SOX5: variants seen among roughly 807,000 people sequenced by gnomAD.
SOX5 encodes transcription factor SOX-5.
In SOX5, 9 loss-of-function variants were observed where a neutral mutation model predicts 92.0. The ratio of observed to expected loss-of-function variants is 0.10; its 90% CI spans 0.06 to 0.17. The LOEUF is 0.17. Ranked by LOEUF, SOX5 falls within the 10% of genes least tolerant of loss-of-function variation. The pLI is 1.00. For missense variants in SOX5, 642 were observed against 944.5 expected, an observed-to-expected ratio of 0.68 and a Z score of 4.20; for synonymous variants, 344 against 336.3, an observed-to-expected ratio of 1.02 and a Z score of -0.25.
At chr12:24,251,951 A>AC (rs1940159503) in intron 3 of SOX5, among the ~76,000 whole-genome samples, 1 of 12,610 alleles carries the variant, frequency 7.9e-5, no homozygotes, top group Non-Finnish European at 3.8e-4. Flanking sequence ...CCCAGTTATT[A>AC]AAAAAAAAAA....
At chr12:23,863,509 T>C (rs1211198115) in intron 2 of SOX5, among the ~76,000 whole-genome samples, 1 of 152,152 alleles carries the variant, frequency 6.6e-6, no homozygotes. Flanking sequence ...TGCTTTTAAC[T>C]ATTGTGTCAT....
Position 23,689,103 on chromosome 12 carries a change from T to C in SOX5, c.811-23539A>G, listed in dbSNP as rs574727023. On this transcript the variant is annotated intron_variant, in intron 6 of 14. Coordinates refer to ENST00000451604, the MANE Select transcript of SOX5 (RefSeq NM_006940.6). ...CTTTCACATATCTAACGGTCACTACTAAGTCAATATCAATTTTTTTAGGCC... is the reference window on the plus strand; with the variant it reads ...CTTTCACATATCTAACGGTCACTACCAAGTCAATATCAATTTTTTTAGGCC... Among the ~76,000 whole-genome samples the C allele has an allele frequency of 2.6e-5, 4 of 152,274 alleles. No homozygotes were observed. In the East Asian group the frequency reaches 5.8e-4, roughly 22 times the overall value.
chr12:23,934,815 T>A (rs990608170), intron 1 of SOX5, among the ~76,000 whole-genome samples: 1 of 151,254 alleles, frequency 6.6e-6, no homozygotes, highest in Admixed American at 6.6e-5. Context: ...ATAATTATAA[T>A]CTCCAATTCA....
chr12:24,088,025 G>A (rs1015437789), intron 4 of SOX5, among the ~76,000 whole-genome samples: 7 of 151,938 alleles, frequency 4.6e-5, no homozygotes, highest in Non-Finnish European at 8.8e-5. Context: ...CAAAAAGCAG[G>A]AGGAAGCACT....
At chr12:23,714,784 C>T (rs1400768892) in intron 6 of SOX5, among the ~76,000 whole-genome samples, 1 of 152,126 alleles carries the variant, frequency 6.6e-6, no homozygotes, top group East Asian at 1.9e-4. Flanking sequence ...CAAATACTTG[C>T]TTTTCAAATG....
intron 3 of SOX5, among the ~76,000 whole-genome samples, chr12:23,777,521 C>A (rs2095142110): frequency 6.6e-6 from 1 of 152,136 alleles, no homozygotes; most frequent in East Asian, 1.9e-4. Context: ...TGTCAGAGAG[C>A]AATGACCATA....
chr12:23,552,489 A>G (rs958918848), intron 11 of SOX5, among the ~76,000 whole-genome samples: 1 of 151,966 alleles, frequency 6.6e-6, no homozygotes, highest in Admixed American at 6.6e-5. Flanking sequence ...ATCCTGAAAA[A>G]AAAAGGTTTG....
Position 23,530,818 on chromosome 12 carries a change from T to TGTGTGTGTGTGTGTGTGCGTGTGTGCGC in SOX5, c.*3400_*3401insGCGCACACACGCACACACACACACACAC. ...GGGCAAGTGTGTGTGTGTGTGTGTG[T>TGTGTGTGTGTGTGTGTGCGTGTGTGCGC]GCGCGCGCGCGCGCGCGCATGTGAG... On this transcript the variant is annotated 3_prime_UTR_variant, in exon 15 of 15. Transcript: ENST00000451604. The TGTGTGTGTGTGTGTGTGCGTGTGTGCGC allele has an allele frequency of 7.6e-6, 1 of 132,118 alleles. No homozygotes were observed. 8.2% of individuals were successfully genotyped at this position (132,118 alleles called of 1,614,324 possible). A position where few individuals can be genotyped will look rare whatever the true frequency, so the allele number is the denominator to read the frequency against.
chr12:24,209,384 A>G (rs1446136349), intron 4 of SOX5, among the ~76,000 whole-genome samples: 1 of 152,250 alleles, frequency 6.6e-6, no homozygotes, highest in Admixed American at 6.5e-5. Context: ...TTGAATGATA[A>G]AAATGATTCT....
intron 5 of SOX5, among the ~76,000 whole-genome samples, chr12:23,736,417 G>A (rs942818678): frequency 2.6e-5 from 4 of 151,980 alleles, no homozygotes; most frequent in African/African-American, 4.8e-5. Flanking sequence ...AGCCAAGATC[G>A]CTCCACTGCA....
intron 4 of SOX5, among the ~76,000 whole-genome samples, chr12:23,982,572 C>T (rs747239496): frequency 1.8e-4 from 27 of 152,082 alleles, no homozygotes; most frequent in Admixed American, 7.9e-4. Flanking sequence ...GCTTTGGTGA[C>T]TGAGATTCCT....
chr12:23,588,355 T>C (rs1362160496), intron 9 of SOX5, among the ~76,000 whole-genome samples: 2 of 152,010 alleles, frequency 1.3e-5, no homozygotes, highest in Non-Finnish European at 2.9e-5. Context: ...TAAGTGTCTA[T>C]ACTGTGTCAA....
intron 1 of SOX5, among the ~76,000 whole-genome samples, chr12:24,402,190 A>G (rs1272752337): frequency 1.3e-5 from 2 of 152,234 alleles, no homozygotes; most frequent in African/African-American, 4.8e-5. Flanking sequence ...ATCCATTTCT[A>G]CATTAACTGC....
chr12:24,505,224 A>C (rs950500278), intron 1 of SOX5, among the ~76,000 whole-genome samples: 3 of 152,244 alleles, frequency 2.0e-5, no homozygotes, highest in South Asian at 4.1e-4. Context: ...CATCTGTGTA[A>C]AATCAGTATT....
chr12:23,660,240 C>T (rs2139291822), intron 7 of SOX5, among the ~76,000 whole-genome samples: 1 of 152,294 alleles, frequency 6.6e-6, no homozygotes, highest in Non-Finnish European at 1.5e-5. Context: ...GCTCGTACTA[C>T]ATTATCTCAG....
intron 2 of SOX5, among the ~76,000 whole-genome samples, chr12:24,343,639 C>G (rs971530726): frequency 1.3e-5 from 2 of 151,884 alleles, no homozygotes; most frequent in African/African-American, 4.8e-5. Flanking sequence ...TTTGGCTTTT[C>G]CATTATTATA....
intron 9 of SOX5, among the ~76,000 whole-genome samples, chr12:23,600,447 AT>A (rs940372768): frequency 6.8e-5 from 10 of 147,250 alleles, no homozygotes; most frequent in African/African-American, 2.5e-4. Context: ...CAGCTGAGAA[AT>A]TTTTAAAATC....
chr12:23,551,995 G>A (rs1455924412), intron 11 of SOX5, among the ~76,000 whole-genome samples: 3 of 152,008 alleles, frequency 2.0e-5, no homozygotes, highest in South Asian at 4.1e-4. Context: ...GTACTACAAA[G>A]TCGAAGATGG....
chr12:24,515,623 T>C (rs1298870784), intron 1 of SOX5, among the ~76,000 whole-genome samples: 1 of 152,198 alleles, frequency 6.6e-6, no homozygotes, highest in East Asian at 1.9e-4. Flanking sequence ...TCAAACTGTA[T>C]GCTGTCTCTT....
Sources: allele counts gnomAD v4.1 joint callset (sites outside exome capture counted in the v4.1 genomes callset), GRCh38; gene constraint gnomAD v4.1.1; transcripts MANE v1.5; gene names NCBI Gene and HGNC (gene_info 2026-07-23, HGNC 2026-07-21).